PRTG: variants seen among roughly 807,000 people sequenced by gnomAD.
PRTG encodes immunoglobulin superfamily, DCC subclass, member 5.
A neutral mutation model predicts 122.5 loss-of-function variants in PRTG; 67 were observed. That is an observed-to-expected ratio of 0.55 (90% CI 0.45 to 0.67). PRTG has a LOEUF of 0.67. Among genes scored for constraint, PRTG ranks in the 30% least tolerant of loss-of-function variants. PRTG has a pLI of 0.00. For synonymous variants in PRTG, 554 were observed against 501.1 expected (o/e 1.11, Z -1.41); for missense variants, 1,435 against 1,415.4 (o/e 1.01, Z -0.22).
At chr15:55,628,777 T>A in intron 16 of PRTG, 45 bp downstream of exon 16, 7 of 1,483,820 alleles carry the variant, frequency 4.7e-6, no homozygotes, top group Non-Finnish European at 6.4e-6. Flanking sequence ...GGAAGAACAC[T>A]TTTTTTCTTA....
rs1480677424 is a variant in PRTG, at chr15:55,675,578, T to C, written c.1487A>G (p.Tyr496Cys). The C allele has an allele frequency of 6.2e-7, 1 of 1,611,984 alleles. No individual in the cohort carries two copies. Among genetic ancestry groups the C allele is most frequent in the South Asian group, 1.1e-5 (1 of 90,954 alleles). ...ASNYTFYIVA[Y>C]MPMGASQMSD... ...CATCTGGCTGGCTCCCATTGGCATA[T>C]ATGCTACAATGTAGAAAGTATAATT... The change falls in exon 9 of 20, where the codon TAT becomes TGT. Residue 496 changes from tyrosine (Y) to cysteine (C), a missense_variant. Physicochemically the swap from Tyr to Cys is radical, Grantham distance 194 (BLOSUM62 -2). Transcript: ENST00000389286.
chr15:55,629,371 A>ATGTG (rs1457708289), intron 15 of PRTG, among the ~76,000 whole-genome samples: 448 of 35,288 alleles, frequency 0.013, 2 homozygotes, highest in African/African-American at 0.023. Context: ...ATATATATAT[A>ATGTG]TATATGTGTG....
rs1372502510 is a variant in PRTG, at chr15:55,612,496, G to A, written c.*7516C>T. 1.3e-5 allele frequency: 2 copies of A among 151,644 alleles called. No homozygotes were observed. The highest frequency in any genetic ancestry group is 6.6e-5 in the Admixed American group (1 of 15,222). 9.4% of individuals were successfully genotyped at this position (151,644 alleles called of 1,614,324 possible). ...ATTCTTCCCAACAAACCCTACATATGAACTCGAATAAACCAGAATCAGGTG... is the reference window on the plus strand; with the variant it reads ...ATTCTTCCCAACAAACCCTACATATAAACTCGAATAAACCAGAATCAGGTG... On this transcript the variant is annotated 3_prime_UTR_variant, in exon 20 of 20. Coordinates refer to ENST00000389286, the MANE Select transcript of PRTG (RefSeq NM_173814.6).
rs907648128 is a variant in PRTG at position 55,618,874 on chromosome 15, A to T, written c.*1138T>A. ...GGTATAAGGCAAAGAATTTCATTAT[A>T]CTGAAAGGCACTGTTACCATAATAA... On this transcript the variant is annotated 3_prime_UTR_variant, in exon 20 of 20. Coordinates refer to ENST00000389286, the MANE Select transcript of PRTG (RefSeq NM_173814.6). The T allele has an allele frequency of 3.3e-5, 5 of 152,200 alleles. No individual in the cohort carries two copies. Among genetic ancestry groups the T allele is most frequent in the Non-Finnish European group, 7.3e-5 (5 of 68,034 alleles). 9.4% of individuals were successfully genotyped at this position (152,200 alleles called of 1,614,324 possible). A position where few individuals can be genotyped will look rare whatever the true frequency, so the allele number is the denominator to read the frequency against.
intron 6 of PRTG, 89 bp from the exon 7 acceptor site, chr15:55,679,534 C>A: frequency 2.0e-6 from 2 of 980,540 alleles, no homozygotes; most frequent in East Asian, 2.7e-5. Context: ...ATGAAACAAG[C>A]CCCATTCCTG....
intron 15 of PRTG, among the ~76,000 whole-genome samples, chr15:55,635,582 T>C (rs1362593467): frequency 6.6e-6 from 1 of 152,200 alleles, no homozygotes; most frequent in Admixed American, 6.5e-5. Context: ...GATATAAACA[T>C]AAAATCATAT....
At chr15:55,648,980 C>T (rs2059338934) in intron 11 of PRTG, among the ~76,000 whole-genome samples, 1 of 151,676 alleles carries the variant, frequency 6.6e-6, no homozygotes, top group Non-Finnish European at 1.5e-5. Flanking sequence ...GCCTACAGTC[C>T]CAGCTACACG....
At chr15:55,734,951 G>A (rs2031363128) in intron 2 of PRTG, among the ~76,000 whole-genome samples, 1 of 152,164 alleles carries the variant, frequency 6.6e-6, no homozygotes, top group South Asian at 2.1e-4. Flanking sequence ...TTTACTGTGA[G>A]CTTGCTCTGC....
intron 2 of PRTG, among the ~76,000 whole-genome samples, chr15:55,719,574 G>C (rs2030732156): frequency 6.6e-6 from 1 of 152,116 alleles, no homozygotes; most frequent in African/African-American, 2.4e-5. Flanking sequence ...CAATTACTAA[G>C]TTAAACAACT....
chr15:55,722,812 G>T (rs1281486878), intron 2 of PRTG, among the ~76,000 whole-genome samples: 3 of 152,148 alleles, frequency 2.0e-5, no homozygotes, highest in Non-Finnish European at 4.4e-5. Context: ...CAAAGTTTTG[G>T]CTTGAAGCCA....
rs1349005927 is a variant in PRTG at position 55,614,438 on chromosome 15, A to C, written c.*5574T>G. 1 of 152,126 alleles carries C rather than the reference A, an allele frequency of 6.6e-6. No individual in the cohort carries two copies. Among genetic ancestry groups the C allele is most frequent in the Non-Finnish European group, 1.5e-5 (1 of 67,986 alleles). 9.4% of individuals were successfully genotyped at this position (152,126 alleles called of 1,614,324 possible). On this transcript the variant is annotated 3_prime_UTR_variant, in exon 20 of 20. Coordinates refer to ENST00000389286, the MANE Select transcript of PRTG (RefSeq NM_173814.6). ...AAGTTGTGAATGTTGTGAATATGTC[A>C]TTAAAAGAAAACAAAGAATAAACTT... is the stretch of plus-strand genomic sequence containing the variant.
rs968947840 is a variant in PRTG, at chr15:55,678,165, C to G, written c.1134-121G>C. ...TTTTAAAATTAAAATTAAAATCAAG[C>G]ATTTGTAGAACACTGCAGCAACTAT... is the stretch of plus-strand genomic sequence containing the variant. On this transcript the variant is annotated intron_variant, in intron 7 of 19. Coordinates refer to ENST00000389286, the MANE Select transcript of PRTG (RefSeq NM_173814.6). 3 of 674,076 alleles carry G rather than the reference C, an allele frequency of 4.5e-6. No individual in the cohort carries two copies. In the African/African-American group the frequency reaches 5.4e-5, roughly 12 times the overall value. The allele number at this position is 674,076 out of a possible 1,614,324, so 41.8% of individuals were successfully genotyped here. A position where few individuals can be genotyped will look rare whatever the true frequency, so the allele number is the denominator to read the frequency against.
intron 11 of PRTG, among the ~76,000 whole-genome samples, chr15:55,650,734 G>C (rs1461164067): frequency 1.3e-5 from 2 of 152,134 alleles, no homozygotes; most frequent in Non-Finnish European, 2.9e-5. Flanking sequence ...GGAGGCCAAG[G>C]GTGGCAGATG....
intron 11 of PRTG, among the ~76,000 whole-genome samples, chr15:55,645,971 A>T (rs2059320305): frequency 6.6e-6 from 1 of 152,148 alleles, no homozygotes; most frequent in South Asian, 2.1e-4. Context: ...AAAACTCAAC[A>T]CAAGGTGCAT....
At chr15:55,627,902 G>T (rs1444859160) in intron 16 of PRTG, among the ~76,000 whole-genome samples, 2 of 152,146 alleles carry the variant, frequency 1.3e-5, no homozygotes, top group African/African-American at 2.4e-5. Context: ...CACTAAGTCT[G>T]GGGTGGGGCA....
intron 15 of PRTG, among the ~76,000 whole-genome samples, chr15:55,631,993 G>A (rs973486694): frequency 2.0e-5 from 3 of 152,144 alleles, no homozygotes; most frequent in Admixed American, 2.0e-4. Context: ...GGTTGGAGAA[G>A]TGCCCCAGGA....
intron 17 of PRTG, among the ~76,000 whole-genome samples, chr15:55,626,779 A>C (rs537073872): frequency 1.3e-5 from 2 of 152,132 alleles, no homozygotes; most frequent in African/African-American, 4.8e-5. Context: ...AGAAAAGAAA[A>C]AAGAAAAAAA....
At chr15:55,694,952 T>C (rs943987057) in intron 2 of PRTG, among the ~76,000 whole-genome samples, 1 of 152,214 alleles carries the variant, frequency 6.6e-6, no homozygotes, top group Non-Finnish European at 1.5e-5. Context: ...TCATTAAAGC[T>C]GTGCTGTTAA....
chr15:55,682,580 A>AT (rs1173946598), intron 3 of PRTG, 83 bp from the exon 4 acceptor site: 27 of 659,018 alleles, frequency 4.1e-5, no homozygotes, highest in Non-Finnish European at 5.1e-5. Flanking sequence ...TTATTTATTT[A>AT]TGAGATGGAG....
Sources: allele counts gnomAD v4.1 joint callset (sites outside exome capture counted in the v4.1 genomes callset), GRCh38; gene constraint gnomAD v4.1.1; transcripts MANE v1.5; gene names NCBI Gene and HGNC (gene_info 2026-07-23, HGNC 2026-07-21).